The following VAT1L variants were observed in gnomAD, a reference collection of about 807,000 sequenced individuals.
VAT1L encodes putative NADPH-dependent quinone oxidoreductase VAT1L.
VAT1L carries 34 observed loss-of-function variants against 44.1 expected under a neutral mutation model. The ratio of observed to expected loss-of-function variants is 0.77; its 90% CI spans 0.59 to 1.03. VAT1L has a LOEUF of 1.03. Among genes scored for constraint, VAT1L ranks in the 50% least tolerant of loss-of-function variants. VAT1L has a pLI of 0.00. For synonymous variants in VAT1L, 253 were observed against 202.2 expected (o/e 1.25, Z -2.13); for missense variants, 615 against 538.8 (o/e 1.14, Z -1.40).
chr16:77,864,052 T>C (rs1457591702), intron 4 of VAT1L, among the ~76,000 whole-genome samples: 2 of 152,180 alleles, frequency 1.3e-5, no homozygotes, highest in Non-Finnish European at 1.5e-5. Flanking sequence ...CTGAAGTTAT[T>C]GATCATGGCC....
At chr16:77,887,111 A>G (rs1378733507) in intron 7 of VAT1L, among the ~76,000 whole-genome samples, 1 of 152,214 alleles carries the variant, frequency 6.6e-6, no homozygotes, top group Admixed American at 6.5e-5. Flanking sequence ...AACATGAAAG[A>G]GGCAAGAAAC....
intron 7 of VAT1L, among the ~76,000 whole-genome samples, chr16:77,887,649 C>G (rs2017222900): frequency 1.3e-5 from 2 of 152,136 alleles, no homozygotes; most frequent in South Asian, 4.1e-4. Context: ...ACTAAGGATA[C>G]AGAGCAAAGG....
chr16:77,925,051 T>C (rs1192097520), intron 7 of VAT1L, among the ~76,000 whole-genome samples: 1 of 152,152 alleles, frequency 6.6e-6, no homozygotes, highest in Non-Finnish European at 1.5e-5. Context: ...GGGTGGTCCG[T>C]TATGTAAAGC....
At chr16:77,839,314 T>TC (rs966007307) in intron 3 of VAT1L, among the ~76,000 whole-genome samples, 6 of 151,470 alleles carry the variant, frequency 4.0e-5, no homozygotes, top group African/African-American at 1.5e-4. Context: ...GACGGGCAGA[T>TC]CACGAGGTCA....
intron 4 of VAT1L, among the ~76,000 whole-genome samples, chr16:77,873,844 T>C (rs2017059109): frequency 6.6e-6 from 1 of 152,100 alleles, no homozygotes; most frequent in East Asian, 1.9e-4. Flanking sequence ...TGACAGCACA[T>C]GCAAAGGCCC....
chr16:77,793,724 G>A (rs1318641727), intron 1 of VAT1L, among the ~76,000 whole-genome samples: 2 of 152,164 alleles, frequency 1.3e-5, no homozygotes, highest in Non-Finnish European at 2.9e-5. Flanking sequence ...GACACCAAGT[G>A]GATGAAAAAT....
At chr16:77,940,346 T>TG (rs1408760410) in intron 7 of VAT1L, among the ~76,000 whole-genome samples, 2 of 145,678 alleles carry the variant, frequency 1.4e-5, no homozygotes, top group East Asian at 4.0e-4. Flanking sequence ...CTTGGTTTTT[T>TG]TTTTTTTTTT....
At chr16:77,872,618 G>T (rs553641027) in intron 4 of VAT1L, among the ~76,000 whole-genome samples, 2 of 152,128 alleles carry the variant, frequency 1.3e-5, no homozygotes, top group Non-Finnish European at 2.9e-5. Context: ...CACAGTGGCT[G>T]CTTCCCAGTC....
chr16:77,959,184 C>G (rs2018135912), intron 7 of VAT1L, among the ~76,000 whole-genome samples: 1 of 152,128 alleles, frequency 6.6e-6, no homozygotes, highest in African/African-American at 2.4e-5. Flanking sequence ...TGCAGCTGCT[C>G]TAAAAAGGAG....
chr16:77,857,803 A>G (rs2016874273), intron 3 of VAT1L, among the ~76,000 whole-genome samples: 1 of 150,820 alleles, frequency 6.6e-6, no homozygotes, highest in African/African-American at 2.4e-5. Flanking sequence ...ATATAAGTAC[A>G]TAAGTGATTT....
intron 8 of VAT1L, 51 bp downstream of exon 8, chr16:77,971,984 G>A (rs767237752): frequency 1.9e-6 from 3 of 1,556,974 alleles, no homozygotes; most frequent in South Asian, 1.2e-5. Context: ...AGAGCACCAC[G>A]GGTCAATCAG....
At chr16:77,792,450 A>G (rs1040643122) in intron 1 of VAT1L, among the ~76,000 whole-genome samples, 2 of 152,096 alleles carry the variant, frequency 1.3e-5, no homozygotes, top group Non-Finnish European at 2.9e-5. Flanking sequence ...TATGGGAGCA[A>G]GGGAAGCAGG....
Position 77,881,054 on chromosome 16 carries a change from A to ATTC in VAT1L, c.882+1830_882+1831insTTC, listed in dbSNP as rs1457988385. ...TGCTATTGTGAATAGAATGGCAATG[A>ATTC]ACATACGGGTGCATGTGTCCTTTTG... On this transcript the variant is annotated intron_variant, in intron 6 of 8. Coordinates refer to ENST00000302536, the MANE Select transcript of VAT1L (RefSeq NM_020927.3). 7.9e-5 allele frequency among the ~76,000 whole-genome samples: 12 copies of ATTC among 152,338 alleles called. No homozygotes were observed. The South Asian group carries it at 2.5e-3, about 32-fold the overall frequency.
chr16:77,831,865 G>A (rs2016582273), intron 3 of VAT1L, among the ~76,000 whole-genome samples: 1 of 152,012 alleles, frequency 6.6e-6, no homozygotes, highest in Non-Finnish European at 1.5e-5. Flanking sequence ...ACCCAGGCTG[G>A]AGTGCAGTGG....
At chr16:77,882,937 C>T in intron 6 of VAT1L, among the ~76,000 whole-genome samples, 1 of 152,122 alleles carries the variant, frequency 6.6e-6, no homozygotes, top group East Asian at 1.9e-4. Flanking sequence ...AAACTGAAAG[C>T]CAAGAAACCT....
chr16:77,904,499 C>T (rs1235927821), intron 7 of VAT1L, among the ~76,000 whole-genome samples: 3 of 152,126 alleles, frequency 2.0e-5, no homozygotes, highest in African/African-American at 4.8e-5. Flanking sequence ...TCACTGTGTC[C>T]TCACGCGGTC....
intron 4 of VAT1L, among the ~76,000 whole-genome samples, chr16:77,872,735 G>A (rs2142450553): frequency 6.6e-6 from 1 of 152,306 alleles, no homozygotes; most frequent in East Asian, 1.9e-4. Context: ...CTCTATTGGA[G>A]CAGTGATCAC....
chr16:77,855,428 G>A lies in VAT1L; in HGVS notation c.580-7320G>A, dbSNP rs936032018. 3.2e-4 allele frequency among the ~76,000 whole-genome samples: 49 copies of A among 151,542 alleles called. 1 individual carries two copies. On this transcript the variant is annotated intron_variant, in intron 3 of 8. Transcript: ENST00000302536. ...ACCCATTTGAGAAACTTGACCACAG[G>A]TGAGTCCTTTCCTTCTCCTTATCTA... is the stretch of plus-strand genomic sequence containing the variant.
At chr16:77,792,897 A>G (rs1171976090) in intron 1 of VAT1L, among the ~76,000 whole-genome samples, 1 of 152,222 alleles carries the variant, frequency 6.6e-6, no homozygotes, top group Non-Finnish European at 1.5e-5. Flanking sequence ...AAAGACCTTT[A>G]TAAGGATGCC....
Sources: allele counts gnomAD v4.1 joint callset (sites outside exome capture counted in the v4.1 genomes callset), GRCh38; gene constraint gnomAD v4.1.1; transcripts MANE v1.5; gene names NCBI Gene and HGNC (gene_info 2026-07-23, HGNC 2026-07-21).